The following PRDM15 variants were observed in gnomAD, a reference collection of about 807,000 sequenced individuals.
The protein encoded by PRDM15 is PR/SET domain 15, also known as PR domain zinc finger protein 15.
Under a neutral mutation model 128.6 loss-of-function variants are expected in PRDM15, and 64 were observed. The ratio of observed to expected loss-of-function variants is 0.50; its 90% CI spans 0.41 to 0.61. The LOEUF (loss-of-function observed/expected upper bound fraction) is 0.61. Ranked by LOEUF, PRDM15 falls within the 20% of genes least tolerant of loss-of-function variation. The pLI, the probability that PRDM15 is intolerant of heterozygous loss-of-function variation, is 0.00. For missense variants in PRDM15, 1,242 were observed against 1,569.1 expected (o/e 0.79, Z 3.52); for synonymous variants, 615 against 621.8 (o/e 0.99, Z 0.16).
intron 11 of PRDM15, among the ~76,000 whole-genome samples, chr21:41,831,418 C>T (rs1401296583): frequency 6.6e-6 from 1 of 152,214 alleles, no homozygotes; most frequent in Non-Finnish European, 1.5e-5. Flanking sequence ...CGACAGCGTC[C>T]CTTGGGGCAA....
chr21:41,816,894 T>A (rs2062072276), intron 18 of PRDM15, among the ~76,000 whole-genome samples: 1 of 149,474 alleles, frequency 6.7e-6, no homozygotes, highest in Non-Finnish European at 1.5e-5. Context: ...TCCTTTTGAT[T>A]AAAAAAAAAA....
At chr21:41,864,134 G>C (rs973485939) in intron 1 of PRDM15, among the ~76,000 whole-genome samples, 3 of 152,074 alleles carry the variant, frequency 2.0e-5, no homozygotes, top group African/African-American at 4.8e-5. Flanking sequence ...CAGCCACCGC[G>C]CCTGGCCTGC....
chr21:41,829,280 CCACA>C (rs1487399861), intron 11 of PRDM15, among the ~76,000 whole-genome samples: 3 of 149,598 alleles, frequency 2.0e-5, no homozygotes, highest in South Asian at 4.2e-4. Flanking sequence ...CACACATGCC[CCACA>C]CAAATACACA....
At position 41,839,872 on chromosome 21, in the gene PRDM15, A is replaced by C. The variant is rs745402507; in HGVS notation, c.641-19T>G. 21 of 1,605,534 alleles carry C rather than the reference A, an allele frequency of 1.3e-5. No homozygotes were observed. Among genetic ancestry groups the C allele is most frequent in the Non-Finnish European group, 1.7e-5 (20 of 1,172,416 alleles). ...AGATGTTCTGCAAAGAGAGACGCGA[A>C]TGCACCACACAATTAGGAAGCCTGC... is the stretch of plus-strand genomic sequence containing the variant. On this transcript the variant is annotated intron_variant, in intron 6 of 23. Transcript: ENST00000398548.
intron 1 of PRDM15, chr21:41,861,896 C>T: frequency 6.2e-7 from 1 of 1,605,642 alleles, no homozygotes; most frequent in Non-Finnish European, 8.5e-7. Flanking sequence ...CCCAAAACAG[C>T]ACTGTATCTT....
rs759556472 is a variant in PRDM15 at position 41,801,363 on chromosome 21, G to C, written c.3303C>G (p.Leu1101=). The change falls in exon 24 of 24, where the codon CTC becomes CTG. Residue 1101 remains leucine (L), a synonymous_variant. Transcript: ENST00000398548. Reference sequence around the variant, plus strand: ...CAGTCTGGGGCACTGCCCGCCACGTGAGCGGGTGCTGGTCACTAAGCTGGC... The same window carrying C: ...CAGTCTGGGGCACTGCCCGCCACGTCAGCGGGTGCTGGTCACTAAGCTGGC... ...LGSQLSDQHP[L]TWRAVPQTDV... is the part of the protein sequence containing the mutation. 6.2e-7 allele frequency: 1 copy of C among 1,608,956 alleles called. No homozygotes were observed. The highest frequency in any genetic ancestry group is 8.5e-7 in the Non-Finnish European group (1 of 1,176,146).
rs138426773 is a variant in PRDM15, at chr21:41,801,451, G to A, written c.3215C>T (p.Pro1072Leu). The A allele has an allele frequency of 6.2e-7, 1 of 1,614,220 alleles. No homozygotes were observed. The highest frequency in any genetic ancestry group is 2.2e-5 in the East Asian group (1 of 44,876). ...GTTGATGAAATGGGCCACAGACTGTGGGTTCGAGGCTTCCGGCTGGGGGTG... is the reference window on the plus strand; with the variant it reads ...GTTGATGAAATGGGCCACAGACTGTAGGTTCGAGGCTTCCGGCTGGGGGTG... Reference protein sequence around the residue: ...QIHPQPEASNPQSVAHFINLT... With the variant: ...QIHPQPEASNLQSVAHFINLT... The change falls in exon 24 of 24, where the codon CCA becomes CTA. Residue 1072 changes from proline (P) to leucine (L), a missense_variant. Physicochemically the swap from Pro to Leu is moderately conservative, Grantham distance 98. This residue lies in a region of PRDM15 where 602 missense variants were observed against 788.3 expected (regional missense o/e 0.76). Coordinates refer to ENST00000398548, the MANE Select transcript of PRDM15 (RefSeq NM_001040424.3).
chr21:41,821,001 T>C lies in PRDM15; in HGVS notation c.2060+66A>G. 1.3e-6 allele frequency: 2 copies of C among 1,595,002 alleles called. No individual in the cohort carries two copies. The highest frequency in any genetic ancestry group is 1.7e-6 in the Non-Finnish European group (2 of 1,163,352). Reference sequence around the variant, plus strand: ...TACAAATGGCTCCTTATAGCATGTGTCTCTTTGCAAGGAAGCATGTCCCCT... The same window carrying C: ...TACAAATGGCTCCTTATAGCATGTGCCTCTTTGCAAGGAAGCATGTCCCCT... On this transcript the variant is annotated intron_variant, in intron 16 of 23. Transcript: ENST00000398548. This position sits in a 1 kb window ranked among gnomAD's most constrained non-coding sequence, Gnocchi z 5.4.
In PRDM15 at chr21:41,828,467, A is replaced by G; in HGVS notation, c.1367-134T>C. ...GTCACGGGGATGCGTGGCCAGGAAG[A>G]AAACAGCACCTGTGTGTCATACACT... is the stretch of plus-strand genomic sequence containing the variant. On this transcript the variant is annotated intron_variant, in intron 11 of 23. Transcript: ENST00000398548. This position sits in a 1 kb window ranked among gnomAD's most constrained non-coding sequence, Gnocchi z 5.7. The G allele has an allele frequency of 1.2e-6, 1 of 844,514 alleles. No homozygotes were observed. Among genetic ancestry groups the G allele is most frequent in the Non-Finnish European group, 2.0e-6 (1 of 509,196 alleles). 52.3% of individuals were successfully genotyped at this position (844,514 alleles called of 1,614,324 possible).
In PRDM15 at chr21:41,861,792, T is replaced by C. The variant is rs376873897; in HGVS notation, c.-9-1420A>G. 4 of 1,600,862 alleles carry C rather than the reference T, an allele frequency of 2.5e-6. No individual in the cohort carries two copies. In the African/African-American group the frequency reaches 5.4e-5, roughly 21 times the overall value. ...GGTTGAAAACTTCAAGTTAGGAGAG[T>C]GAGTTAGCTACAAGGAAGTGAGGCA... On this transcript the variant is annotated intron_variant, in intron 1 of 23. Transcript: ENST00000398548.
At chr21:41,837,619 A>G (rs1437311004) in intron 8 of PRDM15, among the ~76,000 whole-genome samples, 2 of 152,194 alleles carry the variant, frequency 1.3e-5, no homozygotes, top group African/African-American at 2.4e-5. Context: ...GGGGGAGATG[A>G]TTGCCCAACA....
Position 41,857,337 on chromosome 21 carries a change from T to C in PRDM15, c.132-8A>G. The C allele has an allele frequency of 1.9e-6, 3 of 1,613,436 alleles. No homozygotes were observed. Among genetic ancestry groups the C allele is most frequent in the East Asian group, 2.2e-5 (1 of 44,880 alleles). ...TTGGGAGGAAGGGATGACCTGGAAA[T>C]GGAATAAAACAAGACTCAAAAGAGA... On this transcript the variant is annotated splice_polypyrimidine_tract_variant and splice_region_variant and intron_variant, in intron 3 of 23. Transcript: ENST00000398548.
intron 3 of PRDM15, 51 bp from the exon 4 acceptor site, chr21:41,857,380 C>T (rs1240844769): frequency 9.4e-6 from 15 of 1,597,490 alleles, no homozygotes; most frequent in African/African-American, 1.3e-5. Context: ...CACCCAGGGA[C>T]CGACTCGTTA....
intron 1 of PRDM15, chr21:41,871,843 C>G: frequency 2.0e-6 from 1 of 496,602 alleles, no homozygotes; most frequent in Non-Finnish European, 3.6e-6. Context: ...GGTGCTCTGA[C>G]CGGCCCTGCC....
intron 1 of PRDM15, among the ~76,000 whole-genome samples, chr21:41,874,504 T>C (rs2064328928): frequency 9.5e-6 from 1 of 104,890 alleles, no homozygotes; most frequent in African/African-American, 3.4e-5. Context: ...GCAGCATGCA[T>C]ATATATATAT....
At chr21:41,841,380 A>G (rs2063069994) in intron 6 of PRDM15, among the ~76,000 whole-genome samples, 2 of 152,222 alleles carry the variant, frequency 1.3e-5, no homozygotes, top group Admixed American at 1.3e-4. Context: ...GCAGAAAGAG[A>G]ATAAGAATAA....
At chr21:41,863,005 C>T (rs958762662) in intron 1 of PRDM15, among the ~76,000 whole-genome samples, 7 of 151,916 alleles carry the variant, frequency 4.6e-5, no homozygotes, top group African/African-American at 1.5e-4. Flanking sequence ...CCCATCTCTA[C>T]TAAAAATACA....
intron 18 of PRDM15, 123 bp downstream of exon 18, chr21:41,819,459 G>T: frequency 5.8e-5 from 18 of 312,536 alleles, no homozygotes; most frequent in South Asian, 3.4e-4. Flanking sequence ...CCGTGGCCCC[G>T]GCCCCCGCCC....
chr21:41,815,395 G>A (rs74785579), intron 19 of PRDM15, among the ~76,000 whole-genome samples: 23 of 152,212 alleles, frequency 1.5e-4, no homozygotes, highest in Non-Finnish European at 2.4e-4. Flanking sequence ...TTGTCTGGTC[G>A]CTATTTCTTG....
Sources: allele counts gnomAD v4.1 joint callset (sites outside exome capture counted in the v4.1 genomes callset), GRCh38; gene constraint gnomAD v4.1.1; regional missense constraint gnomAD v4.1.1; non-coding constraint Gnocchi (gnomAD v3.1); transcripts MANE v1.5; gene names NCBI Gene and HGNC (gene_info 2026-07-23, HGNC 2026-07-21).